The following ATXN1 variants were observed in gnomAD, a reference collection of about 807,000 sequenced individuals.
ATXN1 encodes the protein ataxin 1.
In ATXN1, 8 loss-of-function variants were observed where a neutral mutation model predicts 56.4. The observed-to-expected ratio is 0.14, with a 90% CI of 0.08 to 0.26. The LOEUF (loss-of-function observed/expected upper bound fraction) is 0.26. Ranked by LOEUF, ATXN1 falls within the 10% of genes least tolerant of loss-of-function variation. The pLI, the probability that ATXN1 is intolerant of heterozygous loss-of-function variation, is 1.00. For synonymous variants in ATXN1, 514 were observed against 494.6 expected (o/e 1.04, Z -0.52); for missense variants, 987 against 1,106.5 (o/e 0.89, Z 1.53).
intron 4 of ATXN1, among the ~76,000 whole-genome samples, chr6:16,576,834 C>T (rs941890462): frequency 7.2e-5 from 11 of 152,116 alleles, no homozygotes; most frequent in African/African-American, 2.7e-4. Flanking sequence ...GGCCCCACCC[C>T]GAGCATGCAT....
In ATXN1 at chr6:16,300,985, T is replaced by C. The variant is rs1760074134; in HGVS notation, c.*5344A>G. 6.6e-6 allele frequency: 1 copy of C among 152,576 alleles called. No homozygotes were observed. 9.5% of individuals were successfully genotyped at this position (152,576 alleles called of 1,614,324 possible). ...GCATAGGTATAGTTTAAGAGCCTTT[T>C]ACGTAGTAATTCTTCCAGGCCATAA... On this transcript the variant is annotated 3_prime_UTR_variant, in exon 8 of 8. Coordinates refer to ENST00000436367, the MANE Select transcript of ATXN1 (RefSeq NM_001128164.2).
intron 2 of ATXN1, among the ~76,000 whole-genome samples, chr6:16,675,481 A>G (rs141399499): frequency 0.029 from 4,407 of 152,286 alleles, 96 homozygotes; most frequent in Non-Finnish European, 0.043. Flanking sequence ...GAGGGAATTT[A>G]TATGTAATGA....
At chr6:16,432,695 T>G (rs1449128226) in intron 6 of ATXN1, 1 of 151,820 alleles carries the variant, frequency 6.6e-6, no homozygotes, top group East Asian at 1.9e-4. Context: ...TTTTTTCTTT[T>G]CTTCTCTTCT....
At chr6:16,394,613 A>C (rs1055503690) in intron 6 of ATXN1, among the ~76,000 whole-genome samples, 12 of 152,324 alleles carry the variant, frequency 7.9e-5, no homozygotes, top group African/African-American at 2.9e-4. Context: ...TAAGGACCAA[A>C]GAAGAAAATA....
At chr6:16,692,008 A>G (rs1480334179) in intron 2 of ATXN1, among the ~76,000 whole-genome samples, 2 of 152,268 alleles carry the variant, frequency 1.3e-5, no homozygotes, top group East Asian at 1.9e-4. Flanking sequence ...TCAAGCCTGT[A>G]ATCCCAGCAC....
chr6:16,468,458 G>C (rs866577198), intron 6 of ATXN1, among the ~76,000 whole-genome samples: 1 of 152,174 alleles, frequency 6.6e-6, no homozygotes, highest in Non-Finnish European at 1.5e-5. Context: ...TAAAGTGCTG[G>C]GATTACAGGC....
chr6:16,347,875 T>G (rs1761456527), intron 6 of ATXN1, among the ~76,000 whole-genome samples: 1 of 151,778 alleles, frequency 6.6e-6, no homozygotes, highest in Non-Finnish European at 1.5e-5. Context: ...TGTGGAAGCT[T>G]TGTTCTTTTT....
chr6:16,406,041 C>G (rs1195664507), intron 6 of ATXN1, among the ~76,000 whole-genome samples: 1 of 152,122 alleles, frequency 6.6e-6, no homozygotes, highest in Admixed American at 6.5e-5. Context: ...TACTATAAAC[C>G]TGTGTTTGAG....
At chr6:16,718,122 C>A (rs1306677922) in intron 2 of ATXN1, among the ~76,000 whole-genome samples, 1 of 152,230 alleles carries the variant, frequency 6.6e-6, no homozygotes, top group Non-Finnish European at 1.5e-5. Flanking sequence ...TTATGTGTTT[C>A]TTTAAAAAAT....
At chr6:16,571,679 G>A (rs957168956) in intron 4 of ATXN1, among the ~76,000 whole-genome samples, 15 of 151,670 alleles carry the variant, frequency 9.9e-5, no homozygotes, top group African/African-American at 3.6e-4. Flanking sequence ...AAAACTTAAA[G>A]AGACAAAGAC....
At chr6:16,463,880 A>G (rs1373853586) in intron 6 of ATXN1, among the ~76,000 whole-genome samples, 3 of 152,092 alleles carry the variant, frequency 2.0e-5, no homozygotes, top group Non-Finnish European at 2.9e-5. Flanking sequence ...GATCGATACC[A>G]TCAAGCTACA....
chr6:16,375,083 A>G (rs925406121), intron 6 of ATXN1, among the ~76,000 whole-genome samples: 1 of 152,218 alleles, frequency 6.6e-6, no homozygotes, highest in Non-Finnish European at 1.5e-5. Flanking sequence ...AAGACAATGA[A>G]GAAAGGCAAG....
intron 6 of ATXN1, among the ~76,000 whole-genome samples, chr6:16,390,520 G>A (rs1254065030): frequency 6.6e-6 from 1 of 152,070 alleles, no homozygotes; most frequent in Non-Finnish European, 1.5e-5. Flanking sequence ...TAGACTCCTT[G>A]GGTCTATCTT....
At chr6:16,681,525 G>A (rs1758812626) in intron 2 of ATXN1, among the ~76,000 whole-genome samples, 1 of 152,224 alleles carries the variant, frequency 6.6e-6, no homozygotes, top group African/African-American at 2.4e-5. Context: ...ATATGAAAAA[G>A]GATCCGCCAT....
intron 2 of ATXN1, among the ~76,000 whole-genome samples, chr6:16,752,271 T>A (rs1330011174): frequency 6.6e-6 from 1 of 152,140 alleles, no homozygotes; most frequent in Non-Finnish European, 1.5e-5. Flanking sequence ...ACCAACTAAG[T>A]CTACAGAACA....
chr6:16,446,920 G>A (rs1187000138), intron 6 of ATXN1, among the ~76,000 whole-genome samples: 1 of 152,186 alleles, frequency 6.6e-6, no homozygotes, highest in Non-Finnish European at 1.5e-5. Context: ...CATGCTTGGT[G>A]ACAGAGAAGA....
intron 6 of ATXN1, among the ~76,000 whole-genome samples, chr6:16,368,702 T>TA (rs554963755): frequency 4.0e-4 from 61 of 152,170 alleles, no homozygotes; most frequent in Non-Finnish European, 8.2e-4. Flanking sequence ...TATTAAATAA[T>TA]AAAAAATGTG....
chr6:16,624,914 C>A (rs1008092063), intron 3 of ATXN1, among the ~76,000 whole-genome samples: 31 of 152,190 alleles, frequency 2.0e-4, no homozygotes, highest in African/African-American at 7.0e-4. Flanking sequence ...GCAGCTTCAA[C>A]CTTTGTTTCT....
chr6:16,532,904 A>T (rs1388413813), intron 4 of ATXN1, among the ~76,000 whole-genome samples: 1 of 152,222 alleles, frequency 6.6e-6, no homozygotes, highest in African/African-American at 2.4e-5. Context: ...AAAAACTGAA[A>T]GGAGGCACTT....
Sources: allele counts gnomAD v4.1 joint callset (sites outside exome capture counted in the v4.1 genomes callset), GRCh38; gene constraint gnomAD v4.1.1; transcripts MANE v1.5; gene names NCBI Gene and HGNC (gene_info 2026-07-23, HGNC 2026-07-21).